SIPA1L1: variants seen among roughly 807,000 people sequenced by gnomAD.
SIPA1L1 encodes the protein signal induced proliferation associated 1 like 1.
In SIPA1L1, 26 loss-of-function variants were observed where a neutral mutation model predicts 162.7. The observed-to-expected ratio is 0.16, with a 90% CI of 0.12 to 0.22. SIPA1L1 has a LOEUF of 0.22. SIPA1L1 is among the 10% of genes least tolerant of loss of function. The probability of loss-of-function intolerance (pLI) is 1.00; values close to 1 mark genes in which losing one functional copy is unlikely to be tolerated. For missense variants in SIPA1L1, 1,874 were observed against 2,241.0 expected, an observed-to-expected ratio of 0.84 and a Z score of 3.31; for synonymous variants, 829 against 837.4, an observed-to-expected ratio of 0.99 and a Z score of 0.17.
At chr14:71,358,090 A>G (rs990386930) in intron 2 of SIPA1L1, among the ~76,000 whole-genome samples, 1 of 151,882 alleles carries the variant, frequency 6.6e-6, no homozygotes, top group Non-Finnish European at 1.5e-5. Flanking sequence ...TGAACTACTG[A>G]ACTCAAAATG....
At chr14:71,356,796 T>C (rs900620034) in intron 2 of SIPA1L1, among the ~76,000 whole-genome samples, 1 of 151,568 alleles carries the variant, frequency 6.6e-6, no homozygotes, top group Non-Finnish European at 1.5e-5. Flanking sequence ...TAAAATTCTA[T>C]TTAAGCTAGC....
At chr14:71,494,667 T>C (rs565818764) in intron 2 of SIPA1L1, among the ~76,000 whole-genome samples, 1 of 152,016 alleles carries the variant, frequency 6.6e-6, no homozygotes, top group African/African-American at 2.4e-5. Context: ...GCTGGGACTA[T>C]AGGCACACGC....
chr14:71,392,513 T>C (rs1318828876), intron 2 of SIPA1L1, among the ~76,000 whole-genome samples: 1 of 152,206 alleles, frequency 6.6e-6, no homozygotes, highest in African/African-American at 2.4e-5. Flanking sequence ...TCATAACACA[T>C]ACCTCTGTTA....
intron 2 of SIPA1L1, among the ~76,000 whole-genome samples, chr14:71,365,845 C>T (rs1476555725): frequency 1.3e-5 from 2 of 151,724 alleles, no homozygotes; most frequent in African/African-American, 2.4e-5. Flanking sequence ...CCTACCTCAG[C>T]CTCCTGAGTA....
At chr14:71,392,616 C>G (rs959694775) in intron 2 of SIPA1L1, among the ~76,000 whole-genome samples, 59 of 152,208 alleles carry the variant, frequency 3.9e-4, no homozygotes, top group African/African-American at 1.3e-3. Context: ...CAAGCCCCGC[C>G]TTCCGGCTTC....
chr14:71,357,728 ATT>A (rs922224099), intron 2 of SIPA1L1, among the ~76,000 whole-genome samples: 112 of 152,062 alleles, frequency 7.4e-4, no homozygotes, highest in Middle Eastern at 3.4e-3. Flanking sequence ...ATGCCGGCTA[ATT>A]TTTGTTGTTG....
chr14:71,547,823 C>T (rs1172905132), intron 4 of SIPA1L1, among the ~76,000 whole-genome samples: 1 of 152,110 alleles, frequency 6.6e-6, no homozygotes, highest in Non-Finnish European at 1.5e-5. Context: ...CATTTCTTCA[C>T]CCAAACCAAT....
chr14:71,594,372 G>GTT (rs2035786724), intron 5 of SIPA1L1, among the ~76,000 whole-genome samples: 1 of 152,078 alleles, frequency 6.6e-6, no homozygotes, highest in Non-Finnish European at 1.5e-5. Context: ...GAACATCAGG[G>GTT]AATATGATTA....
chr14:71,367,455 C>T (rs540136576), intron 2 of SIPA1L1, among the ~76,000 whole-genome samples: 28 of 151,676 alleles, frequency 1.8e-4, no homozygotes, highest in East Asian at 1.4e-3. Flanking sequence ...TACAGGCGCC[C>T]GCCACCGCGC....
chr14:71,509,713 C>T (rs1382883603), intron 2 of SIPA1L1, among the ~76,000 whole-genome samples: 1 of 144,838 alleles, frequency 6.9e-6, no homozygotes, highest in African/African-American at 2.6e-5. Flanking sequence ...CATTGCACTC[C>T]AGCCTGGGCA....
intron 9 of SIPA1L1, among the ~76,000 whole-genome samples, chr14:71,659,227 C>G (rs2043307562): frequency 6.6e-6 from 1 of 152,166 alleles, no homozygotes; most frequent in African/African-American, 2.4e-5. Context: ...TTACTTCTGA[C>G]CTTCAAATGG....
chr14:71,653,193 CATG>C lies in SIPA1L1; in HGVS notation c.1993+2686_1993+2688del, dbSNP rs2042771227. Among the ~76,000 whole-genome samples the C allele has an allele frequency of 3.3e-5, 5 of 152,284 alleles. No homozygotes were observed. In the Middle Eastern group the frequency reaches 0.01, roughly 311 times the overall value. Reference sequence around the variant, plus strand: ...GGCTAACTTAGCCCTACTACTAAGGCATGACTTTTCTTGCACCTCAGTACTTGA... The same window carrying C: ...GGCTAACTTAGCCCTACTACTAAGGCACTTTTCTTGCACCTCAGTACTTGA... On this transcript the variant is annotated intron_variant, in intron 8 of 23. Coordinates refer to ENST00000381232, the MANE Select transcript of SIPA1L1 (RefSeq NM_001386936.1).
intron 2 of SIPA1L1, among the ~76,000 whole-genome samples, chr14:71,429,745 G>C (rs2043844407): frequency 6.6e-6 from 1 of 152,094 alleles, no homozygotes; most frequent in Non-Finnish European, 1.5e-5. Flanking sequence ...GTGGAGAAAT[G>C]GTACAGGATA....
At chr14:71,446,894 GTTTTTTTTTTTGTTT>G (rs1283564739) in intron 2 of SIPA1L1, among the ~76,000 whole-genome samples, 2,727 of 87,352 alleles carry the variant, frequency 0.031, 154 homozygotes, top group African/African-American at 0.11. Flanking sequence ...GATGGGCTCT[GTTTTTTTTTTTGTTT>G]TTTTTTTTTT....
intron 4 of SIPA1L1, among the ~76,000 whole-genome samples, chr14:71,581,472 C>T (rs960085386): frequency 1.3e-5 from 2 of 152,158 alleles, no homozygotes; most frequent in South Asian, 4.1e-4. Context: ...GGAAAAAGGA[C>T]AAGCACTTAC....
intron 5 of SIPA1L1, among the ~76,000 whole-genome samples, chr14:71,590,039 AAAAAAAT>A (rs1231265712): frequency 2.6e-4 from 19 of 74,324 alleles, no homozygotes; most frequent in African/African-American, 1.0e-3. Context: ...AAAAAAAAAA[AAAAAAAT>A]ATATATATAT....
chr14:71,428,224 G>C (rs2043725600), intron 2 of SIPA1L1, among the ~76,000 whole-genome samples: 1 of 151,790 alleles, frequency 6.6e-6, no homozygotes, highest in African/African-American at 2.4e-5. Flanking sequence ...TCGAACTCCT[G>C]ACCTCAGGTG....
intron 2 of SIPA1L1, among the ~76,000 whole-genome samples, chr14:71,388,000 C>T (rs1308325274): frequency 6.6e-6 from 1 of 152,216 alleles, no homozygotes; most frequent in Non-Finnish European, 1.5e-5. Flanking sequence ...AAAGCCAAGA[C>T]AGATCACTCT....
At chr14:71,532,663 T>A (rs1449591641) in intron 4 of SIPA1L1, among the ~76,000 whole-genome samples, 1 of 152,230 alleles carries the variant, frequency 6.6e-6, no homozygotes, top group East Asian at 1.9e-4. Context: ...TGTTTTGTAC[T>A]CCTCTGTAAT....
Sources: allele counts gnomAD v4.1 joint callset (sites outside exome capture counted in the v4.1 genomes callset), GRCh38; gene constraint gnomAD v4.1.1; transcripts MANE v1.5; gene names NCBI Gene and HGNC (gene_info 2026-07-23, HGNC 2026-07-21).